The following TNFAIP8 variants were observed in gnomAD, a reference collection of about 807,000 sequenced individuals.
TNFAIP8 encodes the protein TNF alpha induced protein 8.
In TNFAIP8, 7 loss-of-function variants were observed where a neutral mutation model predicts 13.3. That is an observed-to-expected ratio of 0.52 (90% CI 0.30 to 0.99). The LOEUF is 0.99. Ranked by LOEUF, TNFAIP8 falls within the 50% of genes least tolerant of loss-of-function variation. TNFAIP8 has a pLI of 0.07. For synonymous variants in TNFAIP8, 94 were observed against 87.6 expected (o/e 1.07, Z -0.41); for missense variants, 258 against 236.9 (o/e 1.09, Z -0.58).
intron 1 of TNFAIP8, among the ~76,000 whole-genome samples, chr5:119,376,466 A>G (rs1752286003): frequency 6.6e-6 from 1 of 152,184 alleles, no homozygotes; most frequent in Non-Finnish European, 1.5e-5. Flanking sequence ...TTTATTTCAT[A>G]TGTAAGAGTA....
chr5:119,307,520 A>C (rs944282354), intron 1 of TNFAIP8, among the ~76,000 whole-genome samples: 1 of 151,830 alleles, frequency 6.6e-6, no homozygotes, highest in Admixed American at 6.5e-5. Flanking sequence ...TGTAGAGAAA[A>C]ATTTCTGGAA....
intron 1 of TNFAIP8, among the ~76,000 whole-genome samples, chr5:119,294,782 T>C (rs1338450650): frequency 6.6e-6 from 1 of 152,180 alleles, no homozygotes; most frequent in Non-Finnish European, 1.5e-5. Context: ...TGCGTTTCTC[T>C]GATGGCCAGT....
intron 1 of TNFAIP8, among the ~76,000 whole-genome samples, chr5:119,367,513 A>G (rs929595381): frequency 3.9e-5 from 6 of 152,182 alleles, no homozygotes; most frequent in Non-Finnish European, 7.3e-5. Flanking sequence ...TTTAAATGGC[A>G]CCATCTATCC....
At chr5:119,373,003 T>A (rs1412531603) in intron 1 of TNFAIP8, among the ~76,000 whole-genome samples, 1 of 152,162 alleles carries the variant, frequency 6.6e-6, no homozygotes, top group Non-Finnish European at 1.5e-5. Flanking sequence ...TAGTTAACAC[T>A]GCATTTATTT....
rs1753068363 is a variant in TNFAIP8, at chr5:119,396,205, G to A, written c.*2824G>A. The A allele has an allele frequency of 6.6e-6, 1 of 152,258 alleles. No individual in the cohort carries two copies. Among genetic ancestry groups the A allele is most frequent in the African/African-American group, 2.4e-5 (1 of 41,454 alleles). 9.4% of individuals were successfully genotyped at this position (152,258 alleles called of 1,614,324 possible). On this transcript the variant is annotated 3_prime_UTR_variant, in exon 2 of 2. Transcript: ENST00000504771. ...CAGTGCTAGGAACATCTTTGGCTCA[G>A]AGAAGCGTGGGCAGTATGCTGCTGA...
At chr5:119,337,688 C>T (rs576176072) in intron 1 of TNFAIP8, among the ~76,000 whole-genome samples, 4 of 152,164 alleles carry the variant, frequency 2.6e-5, no homozygotes, top group East Asian at 1.9e-4. Context: ...AGCAGTAGGC[C>T]GTAAGAAAGC....
At chr5:119,383,635 C>T (rs1185957729) in intron 1 of TNFAIP8, among the ~76,000 whole-genome samples, 1 of 152,184 alleles carries the variant, frequency 6.6e-6, no homozygotes, top group African/African-American at 2.4e-5. Context: ...CTTCTTTGCA[C>T]TGCTCAGTAT....
At chr5:119,297,469 G>A (rs1749213996) in intron 1 of TNFAIP8, among the ~76,000 whole-genome samples, 1 of 152,170 alleles carries the variant, frequency 6.6e-6, no homozygotes, top group Non-Finnish European at 1.5e-5. Context: ...TGGTCTGAGA[G>A]ACAGTTTGTT....
At chr5:119,313,824 A>G (rs1048482686) in intron 1 of TNFAIP8, among the ~76,000 whole-genome samples, 5 of 152,222 alleles carry the variant, frequency 3.3e-5, no homozygotes, top group Non-Finnish European at 7.3e-5. Flanking sequence ...CACATGAAAC[A>G]TTTTGCATCT....
intron 1 of TNFAIP8, among the ~76,000 whole-genome samples, chr5:119,368,481 G>A (rs1717072203): frequency 6.7e-6 from 1 of 149,574 alleles, no homozygotes; most frequent in Admixed American, 6.7e-5. Flanking sequence ...TTGTGTTGGG[G>A]TTTAAGAAGC....
rs116029628 is a variant in TNFAIP8 at position 119,363,918 on chromosome 5, C to G, written c.31+7797C>G. 4.3e-3 allele frequency among the ~76,000 whole-genome samples: 658 copies of G among 152,304 alleles called. 8 individuals carry two copies. Among genetic ancestry groups the G allele is most frequent in the African/African-American group, 0.014 (601 of 41,560 alleles). ...CCTCAGGTTCAGTAATTTCCTAGAACAGCTCATGAAACTCAGGGAAACATT... is the reference window on the plus strand; with the variant it reads ...CCTCAGGTTCAGTAATTTCCTAGAAGAGCTCATGAAACTCAGGGAAACATT... On this transcript the variant is annotated intron_variant, in intron 1 of 1. Coordinates refer to ENST00000504771, the MANE Select transcript of TNFAIP8 (RefSeq NM_014350.4).
intron 1 of TNFAIP8, among the ~76,000 whole-genome samples, chr5:119,296,140 C>T (rs1467326864): frequency 4.0e-5 from 6 of 149,730 alleles, no homozygotes; most frequent in Admixed American, 4.0e-4. Flanking sequence ...CCTAATTGCC[C>T]TGGCCAGAAC....
intron 1 of TNFAIP8, among the ~76,000 whole-genome samples, chr5:119,342,820 T>A (rs1295336702): frequency 6.6e-6 from 1 of 152,206 alleles, no homozygotes; most frequent in Non-Finnish European, 1.5e-5. Flanking sequence ...CTGGCGTTAC[T>A]TTTTTCAGTC....
intron 1 of TNFAIP8, among the ~76,000 whole-genome samples, chr5:119,380,233 CTATACAAA>C (rs756446219): frequency 3.2e-4 from 49 of 152,304 alleles, no homozygotes; most frequent in Non-Finnish European, 4.4e-4. Context: ...CTGTAGAGTA[CTATACAAA>C]AATCAACTGT....
At chr5:119,345,162 A>T (rs1300770167) in intron 1 of TNFAIP8, among the ~76,000 whole-genome samples, 2 of 152,246 alleles carry the variant, frequency 1.3e-5, no homozygotes, top group Non-Finnish European at 2.9e-5. Context: ...TGAAATATTT[A>T]AAAATAATGT....
At chr5:119,313,331 A>G (rs1749790968) in intron 1 of TNFAIP8, among the ~76,000 whole-genome samples, 1 of 152,218 alleles carries the variant, frequency 6.6e-6, no homozygotes, top group Non-Finnish European at 1.5e-5. Context: ...CCTTAAAGGT[A>G]CTTGGAAGTC....
intron 1 of TNFAIP8, among the ~76,000 whole-genome samples, chr5:119,298,246 G>T (rs1270386807): frequency 3.3e-5 from 5 of 151,620 alleles, no homozygotes; most frequent in East Asian, 1.9e-4. Flanking sequence ...GGCTGGTACC[G>T]GTTGTTCCTT....
chr5:119,379,435 T>G (rs1752402986), intron 1 of TNFAIP8, among the ~76,000 whole-genome samples: 1 of 152,184 alleles, frequency 6.6e-6, no homozygotes. Flanking sequence ...TTGGAAAAGC[T>G]TTTTGGAAGG....
intron 1 of TNFAIP8, among the ~76,000 whole-genome samples, chr5:119,276,455 G>A (rs1209498768): frequency 6.6e-6 from 1 of 152,088 alleles, no homozygotes; most frequent in Non-Finnish European, 1.5e-5. Flanking sequence ...CTTTAGTGAT[G>A]ATAGTGTTCT....
Sources: gnomAD v4.1 joint callset for allele counts (sites outside exome capture counted in the v4.1 genomes callset) on GRCh38, gnomAD v4.1.1 for gene constraint, MANE v1.5 for transcripts, NCBI Gene and HGNC (gene_info 2026-07-23, HGNC 2026-07-21) for gene names.